The following PCDH17 variants were observed in gnomAD, a reference collection of about 807,000 sequenced individuals.
The protein encoded by PCDH17 is protocadherin 17.
In PCDH17, 21 loss-of-function variants were observed where a neutral mutation model predicts 67.7. The ratio of observed to expected loss-of-function variants is 0.31; its 90% CI spans 0.22 to 0.45. PCDH17 has a LOEUF of 0.45. Ranked by LOEUF, PCDH17 falls within the 20% of genes least tolerant of loss-of-function variation. The probability of loss-of-function intolerance (pLI) is 1.00; values close to 1 mark genes in which losing one functional copy is unlikely to be tolerated. For missense variants in PCDH17, 1,471 were observed against 1,564.8 expected, an observed-to-expected ratio of 0.94 and a Z score of 1.01; for synonymous variants, 701 against 656.7, an observed-to-expected ratio of 1.07 and a Z score of -1.03.
chr13:57,700,493 A>T (rs890080148), intron 3 of PCDH17, among the ~76,000 whole-genome samples: 1 of 151,826 alleles, frequency 6.6e-6, no homozygotes, highest in Non-Finnish European at 1.5e-5. Context: ...TAATTTTTGT[A>T]TTTTTAGTAG....
At chr13:57,680,373 T>C (rs995710350) in intron 3 of PCDH17, among the ~76,000 whole-genome samples, 3 of 151,572 alleles carry the variant, frequency 2.0e-5, no homozygotes, top group Non-Finnish European at 4.4e-5. Flanking sequence ...TAGCAAGCCA[T>C]AGCATAATTT....
chr13:57,634,022 C>T lies in PCDH17; in HGVS notation c.1476C>T (p.Gly492=). 6.2e-7 allele frequency: 1 copy of T among 1,613,490 alleles called. No individual in the cohort carries two copies. The highest frequency in any genetic ancestry group is 8.5e-7 in the Non-Finnish European group (1 of 1,180,018). Residue 492 remains glycine (G), a synonymous_variant, in exon 1 of 4, where the codon GGC becomes GGT. Coordinates refer to ENST00000377918, the MANE Select transcript of PCDH17 (RefSeq NM_001040429.3). The surrounding 1 kb of genome is among the most constrained non-coding windows in gnomAD (Gnocchi z 7.8). ...ACAACATCCCGGGAGAGTACCTGGG[C>T]TCTGTGCTCGCCCAGGATCCCGACC... The part of the protein sequence containing the change: ...HENNIPGEYL[G]SVLAQDPDLG...
At chr13:57,717,480 G>C (rs1284340604) in intron 3 of PCDH17, among the ~76,000 whole-genome samples, 1 of 151,850 alleles carries the variant, frequency 6.6e-6, no homozygotes, top group East Asian at 1.9e-4. Context: ...ATGTCCAAAG[G>C]GTCACAGACA....
chr13:57,673,760 A>G lies in PCDH17; in HGVS notation c.2797+6927A>G, dbSNP rs1955354168. ...TAGATGGCATCTAAGAAACTGCAGTATTTGCCAGGACTTCCAATTATTTTC... is the reference window on the plus strand; with the variant it reads ...TAGATGGCATCTAAGAAACTGCAGTGTTTGCCAGGACTTCCAATTATTTTC... On this transcript the variant is annotated intron_variant, in intron 3 of 3. Transcript: ENST00000377918. 2.0e-5 allele frequency among the ~76,000 whole-genome samples: 3 copies of G among 152,006 alleles called. 1 individual carries two copies. In the South Asian group the frequency reaches 6.2e-4, roughly 31 times the overall value.
intron 1 of PCDH17, 63 bp from the exon 2 acceptor site, chr13:57,666,402 CTTG>C (rs1252423500): frequency 2.7e-5 from 32 of 1,192,314 alleles, no homozygotes; most frequent in Admixed American, 7.3e-5. Flanking sequence ...ACTAGGAAAT[CTTG>C]TTGCTCTGCA....
intron 3 of PCDH17, among the ~76,000 whole-genome samples, chr13:57,678,996 G>T (rs1299365778): frequency 6.6e-6 from 1 of 151,396 alleles, no homozygotes; most frequent in African/African-American, 2.4e-5. Context: ...TTCTGTGACA[G>T]TATCCATAAT....
At position 57,666,392 on chromosome 13, in the gene PCDH17, A is replaced by G. The variant is rs1019397792; in HGVS notation, c.2566-76A>G. On this transcript the variant is annotated intron_variant, in intron 1 of 3. Coordinates refer to ENST00000377918, the MANE Select transcript of PCDH17 (RefSeq NM_001040429.3). ...TTTTTGAATTATTAATCATTTTTCC[A>G]CTAGGAAATCTTGTTGCTCTGCAGG... is the stretch of plus-strand genomic sequence containing the variant. 57 of 1,087,344 alleles carry G rather than the reference A, an allele frequency of 5.2e-5. No individual in the cohort carries two copies. In the East Asian group the frequency reaches 1.3e-3, roughly 25 times the overall value. 67.4% of individuals were successfully genotyped at this position (1,087,344 alleles called of 1,614,324 possible).
At chr13:57,630,274 G>A (rs140318553), upstream of PCDH17, among the ~76,000 whole-genome samples, 263 of 151,784 alleles carry the variant, frequency 1.7e-3, no homozygotes, top group Non-Finnish European at 2.7e-3. Flanking sequence ...TTTGAAATCC[G>A]CATATCTTTC....
At chr13:57,704,278 T>C (rs1206653060) in intron 3 of PCDH17, among the ~76,000 whole-genome samples, 1 of 152,086 alleles carries the variant, frequency 6.6e-6, no homozygotes, top group Non-Finnish European at 1.5e-5. Flanking sequence ...ATAATGATGA[T>C]TACATGGCTT....
At chr13:57,673,774 C>T (rs549214319) in intron 3 of PCDH17, among the ~76,000 whole-genome samples, 1 of 152,054 alleles carries the variant, frequency 6.6e-6, no homozygotes, top group East Asian at 2.0e-4. Context: ...GCCAGGACTT[C>T]CAATTATTTT....
At chr13:57,683,313 G>A (rs141875750) in intron 3 of PCDH17, among the ~76,000 whole-genome samples, 58 of 151,964 alleles carry the variant, frequency 3.8e-4, no homozygotes, top group African/African-American at 1.3e-3. Flanking sequence ...TAACAATACA[G>A]TTGGGCTGTT....
intron 3 of PCDH17, among the ~76,000 whole-genome samples, chr13:57,708,416 A>G (rs891784797): frequency 6.6e-6 from 1 of 152,018 alleles, no homozygotes; most frequent in African/African-American, 2.4e-5. Context: ...ACATAATAAC[A>G]AGGTAATTTC....
At chr13:57,724,385 A>T (rs1955895518) in intron 3 of PCDH17, among the ~76,000 whole-genome samples, 1 of 152,212 alleles carries the variant, frequency 6.6e-6, no homozygotes, top group East Asian at 1.9e-4. Flanking sequence ...ACTTCTTCCC[A>T]GGCTGTGGGA....
chr13:57,688,212 T>C (rs1955525496), intron 3 of PCDH17, among the ~76,000 whole-genome samples: 1 of 151,806 alleles, frequency 6.6e-6, no homozygotes, highest in Non-Finnish European at 1.5e-5. Flanking sequence ...GAGGCTGAGA[T>C]GGGAGGACTG....
At chr13:57,679,965 T>C (rs1392070247) in intron 3 of PCDH17, among the ~76,000 whole-genome samples, 1 of 151,470 alleles carries the variant, frequency 6.6e-6, no homozygotes, top group East Asian at 1.9e-4. Flanking sequence ...CCAGGTCTCA[T>C]TATCATTAAT....
At position 57,633,012 on chromosome 13, in the gene PCDH17, G is replaced by T. The variant is rs1954750737; in HGVS notation, c.466G>T (p.Ala156Ser). Residue 156 changes from alanine to serine, a missense_variant, in exon 1 of 4, where the codon GCA becomes TCA. Around this residue, in one of 3 missense-constraint regions of PCDH17, gnomAD observed 1,163 missense variants for 1,230.0 expected, o/e 0.95. Coordinates refer to ENST00000377918, the MANE Select transcript of PCDH17 (RefSeq NM_001040429.3). The surrounding 1 kb of genome is among the most constrained non-coding windows in gnomAD (Gnocchi z 6.2). ...APGTRFPLTS[A>S]HDPDAGENGL... ...GGGCACCCGCTTCCCCCTCACCAGC[G>T]CACATGACCCCGACGCCGGCGAGAA... is the stretch of plus-strand genomic sequence containing the variant. The T allele has an allele frequency of 1.9e-6, 3 of 1,612,758 alleles. No homozygotes were observed. The highest frequency in any genetic ancestry group is 2.5e-6 in the Non-Finnish European group (3 of 1,179,942).
At chr13:57,661,584 G>A (rs561972520) in intron 1 of PCDH17, among the ~76,000 whole-genome samples, 3 of 152,062 alleles carry the variant, frequency 2.0e-5, no homozygotes, top group South Asian at 2.1e-4. Flanking sequence ...TTAGTTTTAC[G>A]ATTTACATTT....
At chr13:57,669,894 AG>A (rs1308902272) in intron 3 of PCDH17, among the ~76,000 whole-genome samples, 2 of 152,020 alleles carry the variant, frequency 1.3e-5, no homozygotes, top group South Asian at 4.1e-4. Context: ...GTGCAAACCA[AG>A]GGGGAGAAGA....
intron 3 of PCDH17, among the ~76,000 whole-genome samples, chr13:57,719,047 G>A (rs746300938): frequency 9.9e-5 from 15 of 151,948 alleles, no homozygotes; most frequent in East Asian, 1.9e-4. Context: ...TGTGCAGACC[G>A]TAAATAGAGA....
Sources: allele counts gnomAD v4.1 joint callset (sites outside exome capture counted in the v4.1 genomes callset), GRCh38; gene constraint gnomAD v4.1.1; regional missense constraint gnomAD v4.1.1; non-coding constraint Gnocchi (gnomAD v3.1); transcripts MANE v1.5; gene names NCBI Gene and HGNC (gene_info 2026-07-23, HGNC 2026-07-21).